Variants in CNKSR3 observed in about 807,000 individuals in gnomAD.
CNKSR3 encodes the protein CNKSR family member 3, also known as connector enhancer of kinase suppressor of ras 3.
In CNKSR3, 36 loss-of-function variants were observed where a neutral mutation model predicts 67.7. The ratio of observed to expected loss-of-function variants is 0.53; its 90% CI spans 0.41 to 0.70. The LOEUF is 0.70. Among genes scored for constraint, CNKSR3 ranks in the 30% least tolerant of loss-of-function variants. The probability of loss-of-function intolerance (pLI) is 0.00; values close to 1 mark genes in which losing one functional copy is unlikely to be tolerated. For missense variants in CNKSR3, 630 were observed against 695.2 expected (o/e 0.91, Z 1.05); for synonymous variants, 281 against 271.4 (o/e 1.04, Z -0.35).
chr6:154,428,236 C>T, intron 6 of CNKSR3, 49 bp from the exon 7 acceptor site: 1 of 1,189,392 alleles, frequency 8.4e-7, no homozygotes, highest in Non-Finnish European at 1.3e-6. Flanking sequence ...CGTTTAGAGA[C>T]ATAGCCCCGA....
chr6:154,392,505 G>C lies in CNKSR3; in HGVS notation c.*13849C>G, dbSNP rs1233850350. ...GTAGAAGGAGTGCAGGTCCCCTGCT[G>C]TCAATTTCATCTGGGGCACTAAACA... On this transcript the variant is annotated 3_prime_UTR_variant, in exon 13 of 13. Coordinates refer to ENST00000607772, the MANE Select transcript of CNKSR3 (RefSeq NM_173515.4). 6.6e-6 allele frequency: 1 copy of C among 152,256 alleles called. No homozygotes were observed. The highest frequency in any genetic ancestry group is 2.4e-5 in the African/African-American group (1 of 41,462). 9.4% of individuals were successfully genotyped at this position (152,256 alleles called of 1,614,324 possible). A position where few individuals can be genotyped will look rare whatever the true frequency, so the allele number is the denominator to read the frequency against.
At chr6:154,411,542 G>A (rs898727477) in intron 10 of CNKSR3, among the ~76,000 whole-genome samples, 1 of 150,718 alleles carries the variant, frequency 6.6e-6, no homozygotes, top group African/African-American at 2.4e-5. Flanking sequence ...ACTGAGGCAG[G>A]AGAAGTGCTT....
intron 2 of CNKSR3, among the ~76,000 whole-genome samples, chr6:154,445,137 T>C (rs1312921394): frequency 6.6e-6 from 1 of 151,986 alleles, no homozygotes; most frequent in East Asian, 1.9e-4. Context: ...TGTTACCTCC[T>C]AGTGAAACAA....
chr6:154,458,360 TC>T (rs1203497200), intron 1 of CNKSR3, among the ~76,000 whole-genome samples: 1 of 151,942 alleles, frequency 6.6e-6, no homozygotes, highest in African/African-American at 2.4e-5. Flanking sequence ...TAGAAAATGC[TC>T]CCCCCTCCCC....
At chr6:154,432,317 AC>A (rs1785386943) in intron 5 of CNKSR3, among the ~76,000 whole-genome samples, 1 of 152,134 alleles carries the variant, frequency 6.6e-6, no homozygotes, top group Non-Finnish European at 1.5e-5. Context: ...TTGGTGAAGT[AC>A]CTGTTCAGAT....
intron 2 of CNKSR3, among the ~76,000 whole-genome samples, chr6:154,447,467 T>C (rs1582868394): frequency 6.6e-6 from 1 of 152,060 alleles, no homozygotes. Context: ...GGGAAAGTGG[T>C]CCTGGTCTCA....
chr6:154,408,803 T>A (rs997848042), intron 12 of CNKSR3, among the ~76,000 whole-genome samples: 3 of 152,242 alleles, frequency 2.0e-5, no homozygotes, highest in Admixed American at 6.5e-5. Context: ...AAACTGTTAT[T>A]TTTTTAAGTG....
intron 9 of CNKSR3, chr6:154,414,682 G>C (rs1219289111): frequency 3.5e-6 from 2 of 577,144 alleles, no homozygotes; most frequent in Non-Finnish European, 6.8e-6. Flanking sequence ...TATGACTCTA[G>C]CTCTGAGCAA....
chr6:154,501,126 C>T (rs1025285142), intron 1 of CNKSR3, among the ~76,000 whole-genome samples: 1 of 152,174 alleles, frequency 6.6e-6, no homozygotes, highest in African/African-American at 2.4e-5. Context: ...AAAGAATGAG[C>T]AGACATCCCA....
chr6:154,507,152 T>G lies in CNKSR3; in HGVS notation c.52+2911A>C, dbSNP rs571738517. Among the ~76,000 whole-genome samples, 9 of 152,384 alleles carry G rather than the reference T, an allele frequency of 5.9e-5. No individual in the cohort carries two copies. The South Asian group carries it at 1.9e-3, about 32-fold the overall frequency. On this transcript the variant is annotated intron_variant, in intron 1 of 12. Transcript: ENST00000607772. ...CTTAGACATGTGCCTGACACACTGC[T>G]TAATAATTACTGAGGATCCACTAAC...
intron 3 of CNKSR3, 130 bp from the exon 4 acceptor site, chr6:154,441,509 T>A: frequency 3.1e-6 from 2 of 650,556 alleles, no homozygotes; most frequent in Non-Finnish European, 5.3e-6. Flanking sequence ...TTTGAGACTG[T>A]GTCTCACTCT....
chr6:154,470,884 G>A (rs550867636), intron 1 of CNKSR3, among the ~76,000 whole-genome samples: 2 of 152,300 alleles, frequency 1.3e-5, no homozygotes, highest in South Asian at 4.1e-4. Context: ...GCTGCACCAT[G>A]TTACATTCCT....
intron 7 of CNKSR3, among the ~76,000 whole-genome samples, chr6:154,425,892 T>C (rs1189966495): frequency 1.3e-5 from 2 of 152,226 alleles, no homozygotes; most frequent in Non-Finnish European, 2.9e-5. Flanking sequence ...CCTTAAGTGA[T>C]AGCCAAAAGC....
chr6:154,406,118 C>G lies in CNKSR3; in HGVS notation c.*236G>C. 1 of 512,584 alleles carries G rather than the reference C, an allele frequency of 2.0e-6. No homozygotes were observed. Among genetic ancestry groups the G allele is most frequent in the Non-Finnish European group, 3.5e-6 (1 of 288,508 alleles). The allele number at this position is 512,584 out of a possible 1,614,324, so 31.8% of individuals were successfully genotyped here. On this transcript the variant is annotated 3_prime_UTR_variant, in exon 13 of 13. Transcript: ENST00000607772. ...TCTATCTCTGGGGAAGCAAGACAAA[C>G]AGGCTCTACCCATTTCCCTCCTTTT...
At chr6:154,411,766 A>T (rs1284194597) in intron 10 of CNKSR3, among the ~76,000 whole-genome samples, 3 of 152,204 alleles carry the variant, frequency 2.0e-5, no homozygotes, top group African/African-American at 7.2e-5. Flanking sequence ...TACTACAGCA[A>T]TCACACATTA....
At position 154,414,346 on chromosome 6, in the gene CNKSR3, G is replaced by C. The variant is rs1054549; in HGVS notation, c.1023C>G (p.Ile341Met). ...GCGGAGGAGGAATATAAAGATCCAG[G>C]ATGGCTGACTTCTCCTTCTTCAGTG... is the stretch of plus-strand genomic sequence containing the variant. Reference protein sequence around the residue: ...DTSLKKEKSAILDLYIPPPPA... With the variant: ...DTSLKKEKSAMLDLYIPPPPA... Residue 341 changes from isoleucine (I) to methionine (M), a missense_variant, in exon 10 of 13, where the codon ATC becomes ATG. Ile to Met is a conservative substitution (Grantham distance 10). Transcript: ENST00000607772. The C allele has an allele frequency of 4.7e-5, 75 of 1,612,078 alleles. No individual in the cohort carries two copies. In the Admixed American group the frequency reaches 7.2e-4, roughly 16 times the overall value.
chr6:154,499,299 T>C (rs1786936737), intron 1 of CNKSR3, among the ~76,000 whole-genome samples: 1 of 152,232 alleles, frequency 6.6e-6, no homozygotes, highest in Non-Finnish European at 1.5e-5. Flanking sequence ...AGAGTCTGGC[T>C]TATGTCACCT....
chr6:154,456,707 CAAAAAAAAAA>C lies in CNKSR3; in HGVS notation c.53-6459_53-6450del, dbSNP rs10536163. ...AGGTGACAAGAATGAAACTCTGTCT[CAAAAAAAAAA>C]AAAAAAAAAAAAAAAAAAGTGACAT... On this transcript the variant is annotated intron_variant, in intron 1 of 12. Transcript: ENST00000607772. 2.2e-4 allele frequency among the ~76,000 whole-genome samples: 10 copies of C among 45,392 alleles called. 1 individual carries two copies. Among genetic ancestry groups the C allele is most frequent in the East Asian group, 8.8e-4 (1 of 1,142 alleles). 29.8% of individuals were successfully genotyped at this position (45,392 alleles called of 152,430 possible).
intron 2 of CNKSR3, among the ~76,000 whole-genome samples, chr6:154,442,491 G>A (rs936541117): frequency 9.2e-5 from 14 of 152,082 alleles, no homozygotes; most frequent in East Asian, 1.9e-4. Context: ...GCGTGGTGGC[G>A]GGCGCCTGTA....
Sources: allele counts gnomAD v4.1 joint callset (sites outside exome capture counted in the v4.1 genomes callset), GRCh38; gene constraint gnomAD v4.1.1; transcripts MANE v1.5; gene names NCBI Gene and HGNC (gene_info 2026-07-23, HGNC 2026-07-21).